The following CEACAM6 variants were observed in gnomAD, a reference collection of about 807,000 sequenced individuals.
CEACAM6 encodes CEA cell adhesion molecule 6.
In CEACAM6, 21 loss-of-function variants were observed where a neutral mutation model predicts 32.4. The ratio of observed to expected loss-of-function variants is 0.65; its 90% CI spans 0.46 to 0.93. The LOEUF is 0.93. CEACAM6 is among the 40% of genes least tolerant of loss of function. The pLI, the probability that CEACAM6 is intolerant of heterozygous loss-of-function variation, is 0.00. For synonymous variants in CEACAM6, 184 were observed against 174.4 expected (o/e 1.06, Z -0.43); for missense variants, 406 against 432.2 (o/e 0.94, Z 0.54).
chr19:41,771,050 A>G lies in CEACAM6; in HGVS notation c.*289A>G, dbSNP rs1429113720. 6.6e-6 allele frequency: 1 copy of G among 152,338 alleles called. No homozygotes were observed. Among genetic ancestry groups the G allele is most frequent in the East Asian group, 1.9e-4 (1 of 5,188 alleles). The allele number at this position is 152,338 out of a possible 1,614,324, so 9.4% of individuals were successfully genotyped here. A position where few individuals can be genotyped will look rare whatever the true frequency, so the allele number is the denominator to read the frequency against. On this transcript the variant is annotated 3_prime_UTR_variant, in exon 6 of 6. Coordinates refer to ENST00000199764, the MANE Select transcript of CEACAM6 (RefSeq NM_002483.7). ...CACACTATGGACAGCTTTTCCCAAG[A>G]TGTCAAAACAAGACTCCTCATCATG...
In CEACAM6 at chr19:41,762,051, C is replaced by A; in HGVS notation, c.786C>A (p.Ala262=). The A allele has an allele frequency of 6.2e-7, 1 of 1,614,206 alleles. No homozygotes were observed. Among genetic ancestry groups the A allele is most frequent in the Admixed American group, 1.7e-5 (1 of 60,032 alleles). The part of the protein sequence containing the change: ...GENLNLSCHA[A]SNPPAQYSWF... ...ATCTGAACCTCTCCTGCCACGCAGC[C>A]TCTAACCCACCTGCACAGTACTCTT... The change falls in exon 4 of 6, where the codon GCC becomes GCA. Residue 262 remains alanine, a synonymous_variant. Coordinates refer to ENST00000199764, the MANE Select transcript of CEACAM6 (RefSeq NM_002483.7).
In CEACAM6 at chr19:41,765,034, C is replaced by T. The variant is rs942709849; in HGVS notation, c.959-1149C>T. Among the ~76,000 whole-genome samples the T allele has an allele frequency of 2.6e-5, 4 of 152,172 alleles. No individual in the cohort carries two copies. In the East Asian group the frequency reaches 5.8e-4, roughly 22 times the overall value. On this transcript the variant is annotated intron_variant, in intron 4 of 5. Transcript: ENST00000199764. ...GATTTAATGTAACATTTGATTAAGC[C>T]TTCAGCAAAATGCCACACACAAAGA...
intron 1 of CEACAM6, among the ~76,000 whole-genome samples, chr19:41,756,033 TCACCAATCAGAAGTTGAAAAATAAC>T (rs1455572995): frequency 4.6e-5 from 7 of 152,130 alleles, no homozygotes; most frequent in Non-Finnish European, 1.0e-4. Context: ...CTGCCCTTAC[TCACCAATCAGAAGTTGAAAAATAAC>T]CACCAGATAC....
chr19:41,760,098 G>A (rs2072913502), intron 2 of CEACAM6, among the ~76,000 whole-genome samples: 1 of 152,168 alleles, frequency 6.6e-6, no homozygotes, highest in Admixed American at 6.5e-5. Context: ...TAGGTACCAA[G>A]CTGTACAGCA....
chr19:41,761,199 A>G (rs2072920827), intron 2 of CEACAM6, 50 bp from the exon 3 acceptor site: 1 of 1,612,796 alleles, frequency 6.2e-7, no homozygotes. Context: ...ATGCCTGTGG[A>G]GGAATCAAAG....
rs369397467 is a variant in CEACAM6, at chr19:41,761,236, G to T, written c.425-13G>T. The T allele has an allele frequency of 2.5e-6, 4 of 1,614,200 alleles. No individual in the cohort carries two copies. In the Admixed American group the frequency reaches 5.0e-5, roughly 20 times the overall value. ...TGCCACACAGGGCAATCTTCTCTCTGTTTTCTGCACAGCGGAGCTGCCCAA... is the reference window on the plus strand; with the variant it reads ...TGCCACACAGGGCAATCTTCTCTCTTTTTTCTGCACAGCGGAGCTGCCCAA... On this transcript the variant is annotated splice_polypyrimidine_tract_variant and intron_variant, in intron 2 of 5. Transcript: ENST00000199764.
At position 41,771,091 on chromosome 19, in the gene CEACAM6, C is replaced by G. The variant is rs907334623; in HGVS notation, c.*330C>G. 1 of 152,166 alleles carries G rather than the reference C, an allele frequency of 6.6e-6. No individual in the cohort carries two copies. Among genetic ancestry groups the G allele is most frequent in the Admixed American group, 6.5e-5 (1 of 15,272 alleles). The allele number at this position is 152,166 out of a possible 1,614,324, so 9.4% of individuals were successfully genotyped here. ...CCTCATCATGATAAGGCTCTTACCC[C>G]CTTTTAATTTGTCCTTGCTTATGCC... On this transcript the variant is annotated 3_prime_UTR_variant, in exon 6 of 6. Transcript: ENST00000199764.
intron 2 of CEACAM6, 28 bp downstream of exon 2, chr19:41,756,987 G>A (rs782673272): frequency 4.4e-6 from 7 of 1,573,504 alleles, no homozygotes; most frequent in East Asian, 2.2e-5. Flanking sequence ...ACCTCTGGGT[G>A]TTGGGGGTCA....
intron 2 of CEACAM6, among the ~76,000 whole-genome samples, chr19:41,757,175 G>A (rs2072893738): frequency 6.6e-6 from 1 of 152,110 alleles, no homozygotes; most frequent in South Asian, 2.1e-4. Context: ...TGCAGAGGAA[G>A]GACAGTCTGA....
At chr19:41,763,336 C>G (rs1431916244) in intron 4 of CEACAM6, among the ~76,000 whole-genome samples, 1 of 152,148 alleles carries the variant, frequency 6.6e-6, no homozygotes, top group Non-Finnish European at 1.5e-5. Context: ...CGCTCAAACC[C>G]CCATCCCCAT....
At chr19:41,764,374 C>A (rs142493657) in intron 4 of CEACAM6, among the ~76,000 whole-genome samples, 1 of 152,026 alleles carries the variant, frequency 6.6e-6, no homozygotes, top group Non-Finnish European at 1.5e-5. Context: ...GCAGGCTGAA[C>A]CCCCTGGGCT....
intron 2 of CEACAM6, among the ~76,000 whole-genome samples, chr19:41,760,679 C>T (rs1273494473): frequency 6.6e-6 from 1 of 152,186 alleles, no homozygotes; most frequent in Non-Finnish European, 1.5e-5. Flanking sequence ...GTTCCACTGC[C>T]TGATGACCGA....
In CEACAM6 at chr19:41,755,589, G is replaced by A. The variant is rs1555820894; in HGVS notation, c.-50G>A. On this transcript the variant is annotated 5_prime_UTR_variant, in exon 1 of 6. Transcript: ENST00000199764. ...CAGCAGCCCTGACCAGAGCATTCCT[G>A]GAGCTCAAGCTCCTCTACAAAGAGG... The A allele has an allele frequency of 1.3e-6, 2 of 1,574,752 alleles. No homozygotes were observed. Among genetic ancestry groups the A allele is most frequent in the Non-Finnish European group, 1.7e-6 (2 of 1,144,950 alleles).
chr19:41,756,692 C>G lies in CEACAM6; in HGVS notation c.157C>G (p.Leu53Val). The change falls in exon 2 of 6, where the codon CTA (leucine) becomes GTA (valine). Residue 53 changes from leucine (L) to valine (V), a missense_variant. By Grantham distance (32) the Leu-to-Val change is conservative (BLOSUM62 1). Transcript: ENST00000199764. ...FNVAEGKEVL[L>V]LAHNLPQNRI... Reference sequence around the variant, plus strand: ...TGTCGCAGAGGGGAAGGAGGTTCTTCTACTCGCCCACAACCTGCCCCAGAA... The same window carrying G: ...TGTCGCAGAGGGGAAGGAGGTTCTTGTACTCGCCCACAACCTGCCCCAGAA... The G allele has an allele frequency of 1.2e-6, 2 of 1,614,166 alleles. No individual in the cohort carries two copies. Among genetic ancestry groups the G allele is most frequent in the Non-Finnish European group, 1.7e-6 (2 of 1,180,036 alleles).
At chr19:41,761,784 T>C (rs1205055351) in intron 3 of CEACAM6, among the ~76,000 whole-genome samples, 185 bp from the exon 4 acceptor site, 3 of 152,106 alleles carry the variant, frequency 2.0e-5, no homozygotes, top group Non-Finnish European at 2.9e-5. Context: ...AGGCTCAGGG[T>C]TCACATTTTC....
rs782293664 is a variant in CEACAM6, at chr19:41,756,670, C to T, written c.135C>T (p.Val45=). 9 of 1,614,090 alleles carry T rather than the reference C, an allele frequency of 5.6e-6. No individual in the cohort carries two copies. The highest frequency in any genetic ancestry group is 2.7e-5 in the African/African-American group (2 of 74,988). The part of the protein sequence containing the change: ...KLTIESTPFN[V]AEGKEVLLLA... ...CTATTGAATCCACGCCGTTCAATGT[C>T]GCAGAGGGGAAGGAGGTTCTTCTAC... Residue 45 remains valine, a synonymous_variant, in exon 2 of 6, where the codon GTC becomes GTT. Transcript: ENST00000199764.
At chr19:41,757,133 C>A (rs542119378) in intron 2 of CEACAM6, among the ~76,000 whole-genome samples, 174 bp downstream of exon 2, 1 of 152,066 alleles carries the variant, frequency 6.6e-6, no homozygotes, top group Non-Finnish European at 1.5e-5. Flanking sequence ...ATCAGAATTC[C>A]TTTCCTGGAT....
At chr19:41,760,467 G>T (rs186971110) in intron 2 of CEACAM6, among the ~76,000 whole-genome samples, 1 of 152,242 alleles carries the variant, frequency 6.6e-6, no homozygotes, top group East Asian at 1.9e-4. Flanking sequence ...AGAGCCACAG[G>T]GTCCTCACCT....
intron 4 of CEACAM6, among the ~76,000 whole-genome samples, chr19:41,764,531 C>CCTCAT (rs1451137041): frequency 6.6e-6 from 1 of 152,140 alleles, no homozygotes; most frequent in Non-Finnish European, 1.5e-5. Flanking sequence ...CTCAAGCAAC[C>CCTCAT]CTCATCCTCT....
Sources: allele counts gnomAD v4.1 joint callset (sites outside exome capture counted in the v4.1 genomes callset), GRCh38; gene constraint gnomAD v4.1.1; transcripts MANE v1.5; gene names NCBI Gene and HGNC (gene_info 2026-07-23, HGNC 2026-07-21).